The following DCDC2 variants were observed in gnomAD, a reference collection of about 807,000 sequenced individuals.
The protein encoded by DCDC2 is doublecortin domain containing 2, also known as doublecortin domain-containing protein 2.
DCDC2 carries 40 observed loss-of-function variants against 50.2 expected under a neutral mutation model. The ratio of observed to expected loss-of-function variants is 0.80; its 90% CI spans 0.62 to 1.04. The LOEUF (loss-of-function observed/expected upper bound fraction) is 1.04. Among genes scored for constraint, DCDC2 ranks in the 50% least tolerant of loss-of-function variants. DCDC2 has a pLI of 0.00. For synonymous variants in DCDC2, 234 were observed against 210.6 expected (o/e 1.11, Z -0.96); for missense variants, 570 against 581.9 (o/e 0.98, Z 0.21).
At chr6:24,316,745 A>G (rs1047987791) in intron 2 of DCDC2, among the ~76,000 whole-genome samples, 1 of 152,132 alleles carries the variant, frequency 6.6e-6, no homozygotes, top group African/African-American at 2.4e-5. Flanking sequence ...TAAGATGTGG[A>G]AAAAAGCTAT....
chr6:24,245,682 T>A (rs551308648), intron 7 of DCDC2, among the ~76,000 whole-genome samples: 37 of 152,326 alleles, frequency 2.4e-4, no homozygotes, highest in African/African-American at 7.9e-4. Flanking sequence ...TTACATATGA[T>A]GTGCAGACAC....
At chr6:24,259,085 T>C (rs999595214) in intron 7 of DCDC2, among the ~76,000 whole-genome samples, 8 of 151,994 alleles carry the variant, frequency 5.3e-5, no homozygotes, top group African/African-American at 1.7e-4. Flanking sequence ...CTAGCGTGGG[T>C]CACACTCAGA....
At chr6:24,300,002 T>C (rs754950681) in intron 4 of DCDC2, among the ~76,000 whole-genome samples, 9 of 152,164 alleles carry the variant, frequency 5.9e-5, no homozygotes, top group Non-Finnish European at 1.2e-4. Context: ...CTGATAAGAA[T>C]AATCTCTAAG....
chr6:24,341,722 G>A (rs1460689572), intron 2 of DCDC2, among the ~76,000 whole-genome samples: 1 of 152,244 alleles, frequency 6.6e-6, no homozygotes, highest in East Asian at 1.9e-4. Flanking sequence ...GAGGACAGCT[G>A]GTTATTTAGG....
the DCDC2 span, among the ~76,000 whole-genome samples, chr6:24,369,507 G>T: frequency 2.0e-5 from 3 of 151,990 alleles, no homozygotes; most frequent in African/African-American, 7.3e-5. Flanking sequence ...CTACTCAGGA[G>T]GCTGAGGCAA....
intron 7 of DCDC2, among the ~76,000 whole-genome samples, chr6:24,228,488 T>C (rs1762278029): frequency 6.6e-6 from 1 of 152,234 alleles, no homozygotes. Context: ...AGTAATGGCC[T>C]TCTTTTGCCA....
chr6:24,305,133 G>A (rs1487167914), intron 2 of DCDC2, among the ~76,000 whole-genome samples: 1 of 152,160 alleles, frequency 6.6e-6, no homozygotes, highest in African/African-American at 2.4e-5. Context: ...AGCACAGATA[G>A]CTATAAACAA....
chr6:24,203,893 A>G (rs1761646276), intron 8 of DCDC2, among the ~76,000 whole-genome samples: 1 of 152,252 alleles, frequency 6.6e-6, no homozygotes, highest in Non-Finnish European at 1.5e-5. Context: ...AAAAACGCTC[A>G]TCATCACTGG....
chr6:24,259,312 G>C (rs1264396339), intron 7 of DCDC2, among the ~76,000 whole-genome samples: 1 of 152,140 alleles, frequency 6.6e-6, no homozygotes, highest in Non-Finnish European at 1.5e-5. Context: ...AATGTGTCAA[G>C]GGCCTTTTAG....
intron 7 of DCDC2, among the ~76,000 whole-genome samples, chr6:24,267,650 G>A (rs964934972): frequency 2.6e-5 from 4 of 152,122 alleles, no homozygotes; most frequent in African/African-American, 9.7e-5. Flanking sequence ...CTGGAAATGG[G>A]ATCTCCACAG....
intron 6 of DCDC2, among the ~76,000 whole-genome samples, chr6:24,282,114 C>A (rs1763487581): frequency 6.6e-6 from 1 of 152,156 alleles, no homozygotes; most frequent in African/African-American, 2.4e-5. Flanking sequence ...TGAGATACTC[C>A]AACCACTGTC....
At chr6:24,366,623 A>G in the DCDC2 span, among the ~76,000 whole-genome samples, 3 of 152,240 alleles carry the variant, frequency 2.0e-5, no homozygotes, top group Non-Finnish European at 4.4e-5. Flanking sequence ...ATGCAGGAAG[A>G]AGGGATGCAC....
the DCDC2 span, among the ~76,000 whole-genome samples, chr6:24,376,351 G>C: frequency 0.37 from 55,570 of 152,042 alleles, 10,652 homozygotes; most frequent in African/African-American, 0.47. Flanking sequence ...GAGTCGTCTT[G>C]GCAGGGCTCC....
At chr6:24,376,384 A>G in the DCDC2 span, among the ~76,000 whole-genome samples, 1 of 152,230 alleles carries the variant, frequency 6.6e-6, no homozygotes, top group Non-Finnish European at 1.5e-5. Flanking sequence ...GGACTCTAGC[A>G]TAACCAAGGC....
intron 8 of DCDC2, among the ~76,000 whole-genome samples, chr6:24,184,489 T>G (rs1761149446): frequency 6.6e-6 from 1 of 152,072 alleles, no homozygotes; most frequent in Admixed American, 6.5e-5. Context: ...CAGAATTGCT[T>G]GAACCCAGGA....
chr6:24,182,397 G>T (rs965337106), intron 8 of DCDC2, among the ~76,000 whole-genome samples: 2 of 151,974 alleles, frequency 1.3e-5, no homozygotes, highest in Non-Finnish European at 2.9e-5. Context: ...GGCAATATTT[G>T]CAAATCATTT....
At chr6:24,364,934 T>G in the DCDC2 span, among the ~76,000 whole-genome samples, 6 of 152,316 alleles carry the variant, frequency 3.9e-5, no homozygotes, top group East Asian at 1.2e-3. Context: ...CTGCTAGTTT[T>G]TCCTTAAAAA....
At chr6:24,220,879 A>AGAGCGAGAGAGACAGAGAGC in intron 7 of DCDC2, among the ~76,000 whole-genome samples, 1 of 106,978 alleles carries the variant, frequency 9.3e-6, no homozygotes. Context: ...CAAGAGAGCG[A>AGAGCGAGAGAGACAGAGAGC]GAGCGAGAGA....
chr6:24,242,173 C>T (rs1252791544), intron 7 of DCDC2, among the ~76,000 whole-genome samples: 1 of 152,142 alleles, frequency 6.6e-6, no homozygotes, highest in Non-Finnish European at 1.5e-5. Context: ...GACCCTCTCT[C>T]AAAAAGTAGT....
Sources: gnomAD v4.1 joint callset for allele counts (sites outside exome capture counted in the v4.1 genomes callset) on GRCh38, gnomAD v4.1.1 for gene constraint, MANE v1.5 for transcripts, NCBI Gene and HGNC (gene_info 2026-07-23, HGNC 2026-07-21) for gene names.